FGD6: variants seen among roughly 807,000 people sequenced by gnomAD.
The protein encoded by FGD6 is FYVE, RhoGEF and PH domain containing 6.
FGD6 carries 90 observed loss-of-function variants against 149.4 expected under a neutral mutation model. The ratio of observed to expected loss-of-function variants is 0.60; its 90% CI spans 0.51 to 0.72. FGD6 has a LOEUF of 0.72. Among genes scored for constraint, FGD6 ranks in the 30% least tolerant of loss-of-function variants. The pLI, the probability that FGD6 is intolerant of heterozygous loss-of-function variation, is 0.00. For missense variants in FGD6, 1,437 were observed against 1,684.8 expected, an observed-to-expected ratio of 0.85 and a Z score of 2.57; for synonymous variants, 527 against 584.0, an observed-to-expected ratio of 0.90 and a Z score of 1.41.
intron 3 of FGD6, among the ~76,000 whole-genome samples, chr12:95,165,262 A>G (rs1441452542): frequency 6.6e-6 from 1 of 152,134 alleles, no homozygotes; most frequent in South Asian, 2.1e-4. Context: ...CTTAACTTGT[A>G]TAAGACTCCT....
chr12:95,135,288 A>T (rs1427543460), intron 7 of FGD6, among the ~76,000 whole-genome samples: 1 of 152,200 alleles, frequency 6.6e-6, no homozygotes, highest in African/African-American at 2.4e-5. Flanking sequence ...ATATAGTCAA[A>T]ATAATGGTGG....
At chr12:95,102,086 C>T (rs1878459504) in intron 14 of FGD6, among the ~76,000 whole-genome samples, 1 of 148,290 alleles carries the variant, frequency 6.7e-6, no homozygotes, top group Non-Finnish European at 1.5e-5. Context: ...GGGGGTGGAT[C>T]ACCTGAGGTC....
chr12:95,176,587 C>G (rs1012433227), intron 2 of FGD6, among the ~76,000 whole-genome samples: 1 of 152,206 alleles, frequency 6.6e-6, no homozygotes, highest in Non-Finnish European at 1.5e-5. Flanking sequence ...TAAAGCCAGA[C>G]TTAAATTCCT....
rs1878099657 is a variant in FGD6, at chr12:95,092,751, G to A, written c.3695C>T (p.Thr1232Ile). 1 of 1,614,138 alleles carries A rather than the reference G, an allele frequency of 6.2e-7. No individual in the cohort carries two copies. The highest frequency in any genetic ancestry group is 2.2e-5 in the East Asian group (1 of 44,880). ...DTRATMCMIC[T>I]SEFTLTWRRH... ...TCTCCAGGTGAGAGTGAATTCGCTT[G>A]TGCAGATCATACACATTGTGGCTCT... The change falls in exon 16 of 21, where the codon ACA (threonine) becomes ATA (isoleucine). Residue 1232 changes from threonine (T) to isoleucine (I), a missense_variant. Coordinates refer to ENST00000343958, the MANE Select transcript of FGD6 (RefSeq NM_018351.4).
chr12:95,168,037 A>C (rs909678092), intron 3 of FGD6, among the ~76,000 whole-genome samples: 1 of 147,198 alleles, frequency 6.8e-6, no homozygotes, highest in Non-Finnish European at 1.5e-5. Flanking sequence ...TTTCTTTAAA[A>C]AAAACATTTT....
chr12:95,129,311 GCATCCATCCATCCATCCATCCATCCATC>G (rs71435749), intron 8 of FGD6, among the ~76,000 whole-genome samples: 3,795 of 105,392 alleles, frequency 0.036, 62 homozygotes, highest in Non-Finnish European at 0.055. Flanking sequence ...ATGCATGCAT[GCATCCATCCATCCATCCATCCATCCATC>G]CATCCATCCA....
At chr12:95,123,770 T>G (rs1565901992) in intron 8 of FGD6, among the ~76,000 whole-genome samples, 1 of 152,040 alleles carries the variant, frequency 6.6e-6, no homozygotes, top group Non-Finnish European at 1.5e-5. Flanking sequence ...CACCGTGTTA[T>G]TCAGGACGGT....
intron 2 of FGD6, among the ~76,000 whole-genome samples, chr12:95,179,338 T>C (rs1387987320): frequency 5.5e-5 from 8 of 144,830 alleles, no homozygotes; most frequent in Middle Eastern, 3.4e-3. Context: ...CCCATTTCTA[T>C]GAAAAAAAAA....
rs983902615 is a variant in FGD6 at position 95,092,979 on chromosome 12, G to A, written c.3601-134C>T. 6.0e-6 allele frequency: 6 copies of A among 994,224 alleles called. No homozygotes were observed. In the African/African-American group the frequency reaches 9.7e-5, roughly 16 times the overall value. 61.6% of individuals were successfully genotyped at this position (994,224 alleles called of 1,614,324 possible). A position where few individuals can be genotyped will look rare whatever the true frequency, so the allele number is the denominator to read the frequency against. ...CTCACGCCTGTAATCCCAGCATTTT[G>A]GGAGGCCGAGTCGAGTGGATCACAT... On this transcript the variant is annotated intron_variant, in intron 15 of 20. Transcript: ENST00000343958.
rs754973782 is a variant in FGD6, at chr12:95,108,521, A to G, written c.3174T>C (p.Asn1058=). The G allele has an allele frequency of 1.4e-5, 22 of 1,614,034 alleles. No individual in the cohort carries two copies. Among genetic ancestry groups the G allele is most frequent in the Admixed American group, 3.3e-5 (2 of 60,000 alleles). ...AVVIEVANHA[N]DTMKQGDNFQ... is the part of the protein sequence containing the mutation. ...CACTTACTCCTTGCTTCATGGTGTC[A>G]TTGGCGTGGTTGGCTACCTCTATAA... Residue 1058 remains asparagine, a synonymous_variant, in exon 10 of 21, where the codon AAT becomes AAC. Transcript: ENST00000343958.
intron 2 of FGD6, among the ~76,000 whole-genome samples, chr12:95,174,624 C>A (rs1452102479): frequency 2.6e-5 from 4 of 152,124 alleles, no homozygotes; most frequent in South Asian, 2.1e-4. Flanking sequence ...GCTGTGGCAC[C>A]TATGAAGAAA....
intron 14 of FGD6, among the ~76,000 whole-genome samples, chr12:95,097,834 C>G (rs1435123100): frequency 6.6e-6 from 1 of 152,102 alleles, no homozygotes; most frequent in Admixed American, 6.5e-5. Context: ...TGTAAGGATG[C>G]ACACTGAATT....
intron 5 of FGD6, among the ~76,000 whole-genome samples, chr12:95,148,500 ATATAT>A (rs1196546260): frequency 8.4e-6 from 1 of 119,490 alleles, no homozygotes; most frequent in Non-Finnish European, 1.7e-5. Flanking sequence ...ATATAATATA[ATATAT>A]AGCATATATT....
intron 3 of FGD6, among the ~76,000 whole-genome samples, chr12:95,156,115 G>C (rs1880461494): frequency 6.6e-6 from 1 of 152,130 alleles, no homozygotes; most frequent in Non-Finnish European, 1.5e-5. Context: ...ATTGTTTGTA[G>C]AGCATGTGTG....
intron 5 of FGD6, among the ~76,000 whole-genome samples, chr12:95,144,984 C>T (rs1317101290): frequency 1.6e-5 from 2 of 127,950 alleles, no homozygotes; most frequent in Non-Finnish European, 3.4e-5. Context: ...CCACCGCACC[C>T]GGCCTTTTTT....
chr12:95,164,976 A>G (rs1452243277), intron 3 of FGD6, among the ~76,000 whole-genome samples: 1 of 152,214 alleles, frequency 6.6e-6, no homozygotes, highest in African/African-American at 2.4e-5. Context: ...AAAACAAGGA[A>G]ATCAATATAT....
At chr12:95,214,347 C>A (rs1004020935) in intron 1 of FGD6, among the ~76,000 whole-genome samples, 2 of 152,068 alleles carry the variant, frequency 1.3e-5, no homozygotes, top group African/African-American at 4.8e-5. Context: ...AATTTCAATA[C>A]GATTATTGAA....
chr12:95,089,546 G>C (rs780764578), intron 18 of FGD6, 23 bp downstream of exon 18: 2 of 1,610,488 alleles, frequency 1.2e-6, no homozygotes. Context: ...CTATCACATT[G>C]CAAATTTAAT....
At chr12:95,211,312 A>T in intron 1 of FGD6, 45 bp from the exon 2 acceptor site, 1 of 1,512,822 alleles carries the variant, frequency 6.6e-7, no homozygotes, top group Non-Finnish European at 8.8e-7. Context: ...CAACCAAAGC[A>T]CAAAATGATA....
Sources: gnomAD v4.1 joint callset for allele counts (sites outside exome capture counted in the v4.1 genomes callset) on GRCh38, gnomAD v4.1.1 for gene constraint, MANE v1.5 for transcripts, NCBI Gene and HGNC (gene_info 2026-07-23, HGNC 2026-07-21) for gene names.